Variants in IGF1 observed in about 807,000 individuals in gnomAD.
The protein encoded by IGF1 is insulin like growth factor 1.
IGF1 carries 4 observed loss-of-function variants against 13.8 expected under a neutral mutation model. The ratio of observed to expected loss-of-function variants is 0.29; its 90% CI spans 0.14 to 0.66. IGF1 has a LOEUF of 0.66. Among genes scored for constraint, IGF1 ranks in the 30% least tolerant of loss-of-function variants. The pLI, the probability that IGF1 is intolerant of heterozygous loss-of-function variation, is 0.78. For missense variants in IGF1, 124 were observed against 188.5 expected (o/e 0.66, Z 2.00); for synonymous variants, 76 against 72.6 (o/e 1.05, Z -0.23).
intron 3 of IGF1, among the ~76,000 whole-genome samples, chr12:102,414,793 T>C (rs1226556612): frequency 1.3e-5 from 2 of 152,208 alleles, no homozygotes; most frequent in Non-Finnish European, 2.9e-5. Context: ...GGTTTGCACA[T>C]TGTAGATGCC....
At chr12:102,461,438 C>T (rs1172550093) in intron 2 of IGF1, among the ~76,000 whole-genome samples, 1 of 152,104 alleles carries the variant, frequency 6.6e-6, no homozygotes, top group Non-Finnish European at 1.5e-5. Flanking sequence ...CCAGTGGGAA[C>T]CCTCATAGAA....
chr12:102,454,915 G>T (rs990660616), intron 2 of IGF1, among the ~76,000 whole-genome samples: 1 of 152,218 alleles, frequency 6.6e-6, no homozygotes, highest in African/African-American at 2.4e-5. Context: ...CACCATTAAT[G>T]TGGTGCTTGG....
intron 2 of IGF1, among the ~76,000 whole-genome samples, chr12:102,471,640 A>G (rs1352191905): frequency 6.6e-6 from 1 of 152,214 alleles, no homozygotes; most frequent in Non-Finnish European, 1.5e-5. Flanking sequence ...CAAAAGCTAT[A>G]AATCCTGAAG....
intron 2 of IGF1, among the ~76,000 whole-genome samples, chr12:102,470,827 G>T (rs557876731): frequency 3.3e-5 from 5 of 152,326 alleles, no homozygotes; most frequent in African/African-American, 1.2e-4. Context: ...AGGCTGGGAA[G>T]AGGCTTTTGG....
In IGF1 at chr12:102,397,097, G is replaced by A; in HGVS notation, c.*5410C>T. 3.0e-6 allele frequency: 1 copy of A among 338,254 alleles called. No homozygotes were observed. The highest frequency in any genetic ancestry group is 5.3e-6 in the Non-Finnish European group (1 of 188,980). 21.0% of individuals were successfully genotyped at this position (338,254 alleles called of 1,614,324 possible). On this transcript the variant is annotated 3_prime_UTR_variant, in exon 4 of 4. Coordinates refer to ENST00000337514, the MANE Select transcript of IGF1 (RefSeq NM_000618.5). ...GGTGCCTGTAATCCCAGCTACTCAGGAGGCTGAGGCAGGAGAATCGCTTAA... is the reference window on the plus strand; with the variant it reads ...GGTGCCTGTAATCCCAGCTACTCAGAAGGCTGAGGCAGGAGAATCGCTTAA...
chr12:102,470,023 A>G (rs550053774), intron 2 of IGF1, among the ~76,000 whole-genome samples: 265 of 152,340 alleles, frequency 1.7e-3, no homozygotes, highest in African/African-American at 6.3e-3. Context: ...TGGGCCGTTC[A>G]TATACCTCAG....
intron 2 of IGF1, among the ~76,000 whole-genome samples, chr12:102,452,041 T>C (rs1878986244): frequency 6.6e-6 from 1 of 151,984 alleles, no homozygotes; most frequent in African/African-American, 2.4e-5. Flanking sequence ...GGCGGGCGGA[T>C]CACGAGGTTA....
At chr12:102,448,775 G>T (rs1053422310) in intron 2 of IGF1, among the ~76,000 whole-genome samples, 1 of 150,280 alleles carries the variant, frequency 6.7e-6, no homozygotes, top group Non-Finnish European at 1.5e-5. Context: ...AGACGTATAT[G>T]CAGCCATCGG....
chr12:102,442,345 G>T (rs1877937301), intron 2 of IGF1, among the ~76,000 whole-genome samples: 1 of 152,060 alleles, frequency 6.6e-6, no homozygotes, highest in African/African-American at 2.4e-5. Flanking sequence ...GAAACTTGGT[G>T]TGAAACCATG....
intron 2 of IGF1, among the ~76,000 whole-genome samples, chr12:102,441,568 G>T (rs1372196638): frequency 6.6e-6 from 1 of 152,190 alleles, no homozygotes; most frequent in Non-Finnish European, 1.5e-5. Flanking sequence ...AATAACTTGA[G>T]AGAAGCATGA....
chr12:102,431,667 T>G (rs1427677231), intron 2 of IGF1, among the ~76,000 whole-genome samples: 1 of 152,150 alleles, frequency 6.6e-6, no homozygotes, highest in Non-Finnish European at 1.5e-5. Context: ...GATGAAGAAC[T>G]CTGAAGTTGA....
intron 3 of IGF1, chr12:102,418,096 C>A: frequency 7.6e-7 from 1 of 1,321,400 alleles, no homozygotes; most frequent in South Asian, 1.4e-5. Context: ...CCATATGATG[C>A]AGGAGACAGC....
Position 102,402,272 on chromosome 12 carries a change from A to T in IGF1, c.*235T>A. 2.2e-6 allele frequency: 1 copy of T among 458,900 alleles called. No individual in the cohort carries two copies. The highest frequency in any genetic ancestry group is 3.9e-6 in the Non-Finnish European group (1 of 255,624). 28.4% of individuals were successfully genotyped at this position (458,900 alleles called of 1,614,324 possible). On this transcript the variant is annotated 3_prime_UTR_variant, in exon 4 of 4. Transcript: ENST00000337514. Reference sequence around the variant, plus strand: ...TTTTTTTTCTTTTCTATAGAACATTATTGATAAAAGATCAACAGCAATCTA... The same window carrying T: ...TTTTTTTTCTTTTCTATAGAACATTTTTGATAAAAGATCAACAGCAATCTA...
In IGF1 at chr12:102,475,783, A is replaced by G. The variant is rs1325542145; in HGVS notation, c.80T>C (p.Met27Thr). 9.3e-6 allele frequency: 15 copies of G among 1,613,576 alleles called. No homozygotes were observed. The highest frequency in any genetic ancestry group is 1.7e-6 in the Non-Finnish European group (2 of 1,179,808). Residue 27 changes from methionine (M) to threonine (T), a missense_variant, in exon 2 of 4, where the codon ATG becomes ACG. Met to Thr is a moderately conservative substitution (Grantham distance 81). Transcript: ENST00000337514. ...CDFLKVKMHT[M>T]SSSHLFYLAL... ...CAGGTAGAAGAGATGCGAGGAGGAC[A>G]TGGTGTGCATCTTCACCTGCCCAAG...
Position 102,398,115 on chromosome 12 carries a change from AC to A in IGF1, c.*4391del, listed in dbSNP as rs976638143. On this transcript the variant is annotated 3_prime_UTR_variant, in exon 4 of 4. Transcript: ENST00000337514. ...AAAAAAAAAAAAACAAAAACAAGAAACAAAAAATCTTCACAGATTGTTAGCC... is the reference window on the plus strand; with the variant it reads ...AAAAAAAAAAAAACAAAAACAAGAAAAAAAAATCTTCACAGATTGTTAGCC... 2.0e-5 allele frequency: 3 copies of A among 152,244 alleles called. No individual in the cohort carries two copies. The highest frequency in any genetic ancestry group is 4.8e-5 in the African/African-American group (2 of 41,402). 9.4% of individuals were successfully genotyped at this position (152,244 alleles called of 1,614,324 possible).
At chr12:102,405,277 AG>A (rs779839767) in intron 3 of IGF1, among the ~76,000 whole-genome samples, 12 of 123,566 alleles carry the variant, frequency 9.7e-5, no homozygotes, top group Admixed American at 3.1e-4. Context: ...TAATAGAGAT[AG>A]GGTTTCACCA....
At chr12:102,440,181 G>C (rs1457171644) in intron 2 of IGF1, among the ~76,000 whole-genome samples, 1 of 152,128 alleles carries the variant, frequency 6.6e-6, no homozygotes, top group Non-Finnish European at 1.5e-5. Flanking sequence ...AATCCGCATG[G>C]CTTCCCCTGG....
chr12:102,465,794 G>A (rs1364194340), intron 2 of IGF1, among the ~76,000 whole-genome samples: 4 of 151,960 alleles, frequency 2.6e-5, no homozygotes, highest in East Asian at 1.9e-4. Flanking sequence ...AACATTAGCC[G>A]GGCAAGGTGG....
intron 3 of IGF1, among the ~76,000 whole-genome samples, chr12:102,406,693 G>A (rs556257974): frequency 1.3e-5 from 2 of 152,164 alleles, no homozygotes; most frequent in African/African-American, 4.8e-5. Context: ...GCATATTTAG[G>A]GTGCTAGAAA....
Sources: gnomAD v4.1 joint callset for allele counts (sites outside exome capture counted in the v4.1 genomes callset) on GRCh38, gnomAD v4.1.1 for gene constraint, MANE v1.5 for transcripts, NCBI Gene and HGNC (gene_info 2026-07-23, HGNC 2026-07-21) for gene names.